Variants in PSMC6 observed in about 807,000 individuals in gnomAD.
The protein encoded by PSMC6 is 26S proteasome regulatory subunit 10B.
Under a neutral mutation model 55.9 loss-of-function variants are expected in PSMC6, and 3 were observed. The observed-to-expected ratio is 0.05, with a 90% CI of 0.02 to 0.14. PSMC6 has a LOEUF of 0.14. Ranked by LOEUF, PSMC6 falls within the 10% of genes least tolerant of loss-of-function variation. PSMC6 has a pLI of 1.00. For missense variants in PSMC6, 210 were observed against 478.7 expected, an observed-to-expected ratio of 0.44 and a Z score of 5.24; for synonymous variants, 137 against 155.9, an observed-to-expected ratio of 0.88 and a Z score of 0.90.
intron 12 of PSMC6, chr14:52,723,760 T>C: frequency 1.6e-6 from 2 of 1,215,288 alleles, no homozygotes; most frequent in Non-Finnish European, 2.2e-6. Context: ...TTTTTAAAGT[T>C]TCAGGGGTGT....
intron 13 of PSMC6, among the ~76,000 whole-genome samples, 190 bp from the exon 14 acceptor site, chr14:52,727,309 G>A (rs547830894): frequency 6.6e-6 from 1 of 152,084 alleles, no homozygotes; most frequent in Admixed American, 6.5e-5. Context: ...GATTACAGGC[G>A]TGAGCCACCG....
intron 7 of PSMC6, 48 bp downstream of exon 7, chr14:52,714,016 G>T: frequency 1.7e-6 from 2 of 1,151,450 alleles, no homozygotes; most frequent in African/African-American, 1.6e-5. Context: ...AATGAATTAA[G>T]GAATTAAAAA....
At chr14:52,711,054 T>C in intron 4 of PSMC6, 47 bp from the exon 5 acceptor site, 1 of 1,390,056 alleles carries the variant, frequency 7.2e-7, no homozygotes, top group Non-Finnish European at 1.0e-6. Flanking sequence ...TAGAGTGTTA[T>C]TCCGTTTTTA....
Position 52,711,438 on chromosome 14 carries a change from G to A in PSMC6, c.355G>A (p.Val119Ile). 6.2e-7 allele frequency: 1 copy of A among 1,612,046 alleles called. No homozygotes were observed. ...RYLPREVDPL[V>I]YNMSHEDPGN... ...TTTGCCGAGAGAGGTGGATCCACTG[G>A]TTTATAACATGTCTCATGAGGACCC... Residue 119 changes from valine (V) to isoleucine (I), a missense_variant, in exon 6 of 14, where the codon GTT (valine) becomes ATT (isoleucine). This residue lies in a region of PSMC6 where 101 missense variants were observed against 250.4 expected (regional missense o/e 0.40). Coordinates refer to ENST00000445930, the MANE Select transcript of PSMC6 (RefSeq NM_002806.5).
intron 7 of PSMC6, among the ~76,000 whole-genome samples, chr14:52,716,770 G>A (rs1364617009): frequency 6.6e-6 from 1 of 151,846 alleles, no homozygotes. Context: ...AAAAGAAAAA[G>A]AAATGTGGTA....
At position 52,727,807 on chromosome 14, in the gene PSMC6, A is replaced by T. The variant is rs1173542122; in HGVS notation, c.*190A>T. 1 of 442,172 alleles carries T rather than the reference A, an allele frequency of 2.3e-6. No individual in the cohort carries two copies. Among genetic ancestry groups the T allele is most frequent in the East Asian group, 3.7e-5 (1 of 27,154 alleles). The allele number at this position is 442,172 out of a possible 1,614,324, so 27.4% of individuals were successfully genotyped here. ...AAATTTGTATGTTTGTTAAAGTTGC[A>T]TTTATTGCAGCAAGTTACAAAGGGA... On this transcript the variant is annotated 3_prime_UTR_variant, in exon 14 of 14. Coordinates refer to ENST00000445930, the MANE Select transcript of PSMC6 (RefSeq NM_002806.5).
chr14:52,726,355 T>G (rs1402152051), intron 13 of PSMC6, among the ~76,000 whole-genome samples: 2 of 152,212 alleles, frequency 1.3e-5, no homozygotes, highest in South Asian at 2.1e-4. Context: ...ATAAATTAGG[T>G]AAATTTTAAC....
At chr14:52,712,873 T>C (rs538910892) in intron 6 of PSMC6, among the ~76,000 whole-genome samples, 112 of 152,234 alleles carry the variant, frequency 7.4e-4, no homozygotes, top group African/African-American at 2.6e-3. Flanking sequence ...AGCCTTGGCC[T>C]CCCAAAGTGT....
At chr14:52,720,755 A>C (rs2041882320) in intron 10 of PSMC6, 106 bp from the exon 11 acceptor site, 2 of 848,634 alleles carry the variant, frequency 2.4e-6, no homozygotes, top group Admixed American at 3.0e-5. Flanking sequence ...GATAGAACAT[A>C]TCTATCTGTA....
chr14:52,721,042 T>A, intron 11 of PSMC6, 61 bp downstream of exon 11: 2 of 1,589,608 alleles, frequency 1.3e-6, no homozygotes, highest in Non-Finnish European at 1.7e-6. Flanking sequence ...TTTTCCATAC[T>A]TCACTTCACC....
At chr14:52,717,969 A>G (rs1259372261) in intron 7 of PSMC6, 112 bp from the exon 8 acceptor site, 4 of 952,160 alleles carry the variant, frequency 4.2e-6, no homozygotes, top group Non-Finnish European at 6.5e-6. Context: ...TCAAGGTTGC[A>G]GTGAGCTGTG....
chr14:52,724,674 A>T (rs1312331279), intron 13 of PSMC6, among the ~76,000 whole-genome samples: 1 of 152,028 alleles, frequency 6.6e-6, no homozygotes, highest in Non-Finnish European at 1.5e-5. Flanking sequence ...GTGTGATACT[A>T]TTTTTTTCAC....
At chr14:52,716,833 G>A (rs1037940729) in intron 7 of PSMC6, among the ~76,000 whole-genome samples, 5 of 152,180 alleles carry the variant, frequency 3.3e-5, no homozygotes, top group Non-Finnish European at 7.3e-5. Context: ...TCTGTCATTT[G>A]TGACAATATG....
In PSMC6 at chr14:52,707,243, G is replaced by C. The variant is rs1351211040; in HGVS notation, c.24G>C (p.Ala8=). The C allele has an allele frequency of 3.1e-6, 5 of 1,614,022 alleles. No individual in the cohort carries two copies. Among genetic ancestry groups the C allele is most frequent in the Non-Finnish European group, 4.2e-6 (5 of 1,179,998 alleles). MADPRDK[A]LQDYRKKLLE... is the part of the protein sequence containing the mutation. ...TCATGGCGGACCCTAGAGATAAGGC[G>C]CTTCAGGACTACCGCAAGAAGTTGC... Residue 8 remains alanine, a synonymous_variant, in exon 1 of 14, where the codon GCG becomes GCC. Transcript: ENST00000445930.
chr14:52,710,635 C>T (rs1045050926), intron 4 of PSMC6: 6 of 179,076 alleles, frequency 3.4e-5, no homozygotes, highest in African/African-American at 1.4e-4. Flanking sequence ...AAATTTAAAG[C>T]ATTTTAATAA....
chr14:52,715,499 A>C (rs2139844539), intron 7 of PSMC6, among the ~76,000 whole-genome samples: 1 of 152,354 alleles, frequency 6.6e-6, no homozygotes, highest in South Asian at 2.1e-4. Flanking sequence ...TGTCATGTTA[A>C]ACAACTGACA....
chr14:52,723,747 C>A, intron 12 of PSMC6: 2 of 1,100,586 alleles, frequency 1.8e-6, no homozygotes, highest in Non-Finnish European at 2.4e-6. Context: ...GTGATATTTC[C>A]TGTTTTTAAA....
chr14:52,711,593 G>T, intron 6 of PSMC6, 69 bp downstream of exon 6: 1 of 1,042,768 alleles, frequency 9.6e-7, no homozygotes, highest in Non-Finnish European at 1.4e-6. Flanking sequence ...TTCTTAACAG[G>T]AGAAACAGGA....
chr14:52,718,603 T>A (rs1490587076), intron 9 of PSMC6: 2 of 421,526 alleles, frequency 4.7e-6, no homozygotes, highest in South Asian at 5.0e-5. Context: ...CTGGCCAACA[T>A]GGTGAAACCC....
Sources: gnomAD v4.1 joint callset for allele counts (sites outside exome capture counted in the v4.1 genomes callset) on GRCh38, gnomAD v4.1.1 for gene constraint, gnomAD v4.1.1 regional missense constraint, MANE v1.5 for transcripts, NCBI Gene and HGNC (gene_info 2026-07-23, HGNC 2026-07-21) for gene names.